Variants in CNBD1 observed in about 807,000 individuals in gnomAD.
CNBD1 encodes the protein cyclic nucleotide binding domain containing 1, also known as cyclic nucleotide-binding domain-containing protein 1.
In CNBD1, 71 loss-of-function variants were observed where a neutral mutation model predicts 54.4. The ratio of observed to expected loss-of-function variants is 1.30; its 90% confidence interval spans 1.08 to 1.59. CNBD1 has a LOEUF of 1.59. Ranked by LOEUF, CNBD1 falls within the 40% of genes most tolerant of loss-of-function variation. The pLI is 0.00. For synonymous variants in CNBD1, 182 were observed against 170.7 expected (o/e 1.07, Z -0.51); for missense variants, 659 against 518.0 (o/e 1.27, Z -2.64).
At chr8:86,897,150 T>A (rs1808858503) in intron 2 of CNBD1, among the ~76,000 whole-genome samples, 1 of 152,194 alleles carries the variant, frequency 6.6e-6, no homozygotes, top group East Asian at 1.9e-4. Context: ...TCTGCTGTCA[T>A]CATCTTGAAA....
intron 8 of CNBD1, among the ~76,000 whole-genome samples, chr8:87,303,612 A>G (rs894886006): frequency 1.2e-4 from 18 of 151,482 alleles, no homozygotes; most frequent in African/African-American, 3.4e-4. Context: ...AAAAGCAATG[A>G]CAACAAAAGC....
chr8:87,132,797 G>GTATA (rs111572962), intron 4 of CNBD1, among the ~76,000 whole-genome samples: 1 of 145,952 alleles, frequency 6.9e-6, no homozygotes, highest in Admixed American at 6.9e-5. Flanking sequence ...ATATATATGT[G>GTATA]TATATATATA....
At chr8:87,383,611 G>C (rs1215705355), downstream of CNBD1, among the ~76,000 whole-genome samples, 1 of 151,898 alleles carries the variant, frequency 6.6e-6, no homozygotes, top group Non-Finnish European at 1.5e-5. Context: ...CACTATTAAT[G>C]TGTTTCTTTC....
At chr8:87,211,464 C>T (rs1432601843) in intron 5 of CNBD1, among the ~76,000 whole-genome samples, 1 of 151,910 alleles carries the variant, frequency 6.6e-6, no homozygotes, top group Non-Finnish European at 1.5e-5. Flanking sequence ...CTCCAAATCT[C>T]ATGTTGAGAT....
At chr8:87,409,270 A>C (rs1807700575) in intron 2 of CNBD1, among the ~76,000 whole-genome samples, 1 of 152,178 alleles carries the variant, frequency 6.6e-6, no homozygotes, top group Admixed American at 6.5e-5. Context: ...TGGTCTGAAT[A>C]GAAGATCAAA....
chr8:86,969,470 G>A (rs1476090595), intron 4 of CNBD1, among the ~76,000 whole-genome samples: 1 of 151,966 alleles, frequency 6.6e-6, no homozygotes, highest in Non-Finnish European at 1.5e-5. Context: ...TTTGTCCCAT[G>A]TTTTAATGTT....
intron 4 of CNBD1, among the ~76,000 whole-genome samples, chr8:87,181,967 G>A (rs1003533987): frequency 2.0e-5 from 3 of 152,194 alleles, no homozygotes; most frequent in Non-Finnish European, 4.4e-5. Flanking sequence ...TGTTACTAGC[G>A]TTTGTTGTAC....
intron 10 of CNBD1, among the ~76,000 whole-genome samples, chr8:87,357,182 T>C (rs1040895789): frequency 1.3e-5 from 2 of 152,148 alleles, no homozygotes; most frequent in African/African-American, 4.8e-5. Context: ...AGAGCCTCTA[T>C]AAGAGAAGTG....
intron 4 of CNBD1, among the ~76,000 whole-genome samples, chr8:87,173,332 G>A (rs112162030): frequency 6.6e-5 from 10 of 152,226 alleles, no homozygotes; most frequent in African/African-American, 1.9e-4. Flanking sequence ...CAATTACGGT[G>A]TTATAATATT....
chr8:86,956,530 T>G (rs1197066124), intron 4 of CNBD1, among the ~76,000 whole-genome samples: 1 of 152,202 alleles, frequency 6.6e-6, no homozygotes, highest in Non-Finnish European at 1.5e-5. Flanking sequence ...GTAGTTCTCC[T>G]TGAAGATGTC....
At chr8:87,223,356 G>A (rs937663259) in intron 5 of CNBD1, among the ~76,000 whole-genome samples, 2 of 151,438 alleles carry the variant, frequency 1.3e-5, no homozygotes, top group Admixed American at 6.6e-5. Flanking sequence ...TCATCATCTA[G>A]CATTAGGTAT....
intron 4 of CNBD1, among the ~76,000 whole-genome samples, chr8:86,976,507 T>G (rs1257563988): frequency 6.6e-6 from 1 of 151,948 alleles, no homozygotes; most frequent in Non-Finnish European, 1.5e-5. Flanking sequence ...AAGATTGCTT[T>G]GGCTGTTGGA....
chr8:87,304,671 T>A (rs1240981036), intron 8 of CNBD1, among the ~76,000 whole-genome samples: 1 of 151,996 alleles, frequency 6.6e-6, no homozygotes, highest in African/African-American at 2.4e-5. Context: ...CACATAATCA[T>A]TTCAATAGAT....
intron 5 of CNBD1, among the ~76,000 whole-genome samples, chr8:87,222,305 G>A (rs767380280): frequency 3.9e-5 from 6 of 152,004 alleles, no homozygotes; most frequent in South Asian, 2.1e-4. Context: ...TCATTTATTC[G>A]ACGAGTGTTT....
chr8:87,050,104 G>T (rs1007555052), intron 4 of CNBD1, among the ~76,000 whole-genome samples: 2 of 152,314 alleles, frequency 1.3e-5, no homozygotes, highest in South Asian at 2.1e-4. Flanking sequence ...CAGGTTAAGA[G>T]AGTGAGTTTT....
chr8:87,272,522 A>G (rs1030066808), intron 6 of CNBD1, among the ~76,000 whole-genome samples: 2 of 152,010 alleles, frequency 1.3e-5, no homozygotes, highest in Non-Finnish European at 2.9e-5. Flanking sequence ...ATTTAGTGTT[A>G]TGTGGGAGAA....
intron 4 of CNBD1, among the ~76,000 whole-genome samples, chr8:87,110,448 C>G (rs548389054): frequency 6.6e-6 from 1 of 152,292 alleles, no homozygotes; most frequent in East Asian, 1.9e-4. Context: ...ATAATACACG[C>G]TGCCTCCAAC....
chr8:87,344,940 G>C (rs796870364), intron 8 of CNBD1, among the ~76,000 whole-genome samples: 7 of 152,244 alleles, frequency 4.6e-5, no homozygotes, highest in African/African-American at 1.7e-4. Context: ...TAGAATGTAT[G>C]ACTAAATATG....
At chr8:87,107,951 A>G (rs1811576551) in intron 4 of CNBD1, among the ~76,000 whole-genome samples, 3 of 152,220 alleles carry the variant, frequency 2.0e-5, no homozygotes, top group Non-Finnish European at 4.4e-5. Context: ...ATCTCTTCAA[A>G]TAGTATGCTT....
Sources: allele counts gnomAD v4.1 joint callset (sites outside exome capture counted in the v4.1 genomes callset), GRCh38; gene constraint gnomAD v4.1.1; transcripts MANE v1.5; gene names NCBI Gene and HGNC (gene_info 2026-07-23, HGNC 2026-07-21).